Variants in TTC39B observed in about 807,000 individuals in gnomAD.
The protein encoded by TTC39B is tetratricopeptide repeat protein 39B.
A neutral mutation model predicts 96.6 loss-of-function variants in TTC39B; 92 were observed. The ratio of observed to expected loss-of-function variants is 0.95; its 90% CI spans 0.80 to 1.13. TTC39B has a LOEUF of 1.13. TTC39B is among the 50% of genes most tolerant of loss of function. The pLI is 0.00. For synonymous variants in TTC39B, 367 were observed against 299.4 expected (o/e 1.23, Z -2.33); for missense variants, 955 against 809.3 (o/e 1.18, Z -2.18).
chr9:15,182,300 T>C lies in TTC39B; in HGVS notation c.1723+7A>G, dbSNP rs1258104610. On this transcript the variant is annotated splice_region_variant and intron_variant, in intron 17 of 19. Coordinates refer to ENST00000512701, the Ensembl canonical transcript of TTC39B. ...AAGGCTCCTCGGTGCTTACTGTGTA[T>C]ACTTACTTTGACTTTGTAAAGCTGC... 1 of 1,592,106 alleles carries C rather than the reference T, an allele frequency of 6.3e-7. No homozygotes were observed. The highest frequency in any genetic ancestry group is 8.6e-7 in the Non-Finnish European group (1 of 1,164,446).
chr9:15,245,482 T>C (rs750771814), intron 2 of TTC39B, among the ~76,000 whole-genome samples: 4 of 152,176 alleles, frequency 2.6e-5, no homozygotes, highest in Non-Finnish European at 2.9e-5. Context: ...GGTTTTGCTA[T>C]ACAGGGATGC....
intron 1 of TTC39B, among the ~76,000 whole-genome samples, chr9:15,291,763 G>C (rs1824197477): frequency 6.6e-6 from 1 of 152,108 alleles, no homozygotes; most frequent in Non-Finnish European, 1.5e-5. Context: ...AAAAAAATCA[G>C]CCTCTTCCCT....
intron 3 of TTC39B, among the ~76,000 whole-genome samples, chr9:15,214,543 C>A (rs1253066340): frequency 6.6e-6 from 1 of 152,126 alleles, no homozygotes; most frequent in Non-Finnish European, 1.5e-5. Context: ...AATAGCAGTG[C>A]AAAATAACTG....
rs151000787 is a variant in TTC39B, at chr9:15,269,526, G to A, written c.241-1578C>T. 4.3e-3 allele frequency among the ~76,000 whole-genome samples: 653 copies of A among 152,178 alleles called. 9 individuals carry two copies. The highest frequency in any genetic ancestry group is 0.015 in the African/African-American group (632 of 41,530). On this transcript the variant is annotated intron_variant, in intron 1 of 19. Transcript: ENST00000512701. ...AGGTTTAGACCATACTGGATTCTGC[G>A]GTGAGGCAGAAAAAACAAAAGTGTA... is the stretch of plus-strand genomic sequence containing the variant.
At chr9:15,290,133 T>C (rs750353624) in intron 1 of TTC39B, among the ~76,000 whole-genome samples, 3 of 152,206 alleles carry the variant, frequency 2.0e-5, no homozygotes, top group Non-Finnish European at 4.4e-5. Flanking sequence ...GTATTACAAG[T>C]GTACTAAAGT....
At chr9:15,249,795 CA>C in intron 2 of TTC39B, 1 of 736,472 alleles carries the variant, frequency 1.4e-6, no homozygotes, top group South Asian at 2.6e-5. Context: ...CTGCAGGTTC[CA>C]GTGAAATTTA....
At chr9:15,278,493 G>A (rs1823632768) in intron 1 of TTC39B, among the ~76,000 whole-genome samples, 1 of 152,094 alleles carries the variant, frequency 6.6e-6, no homozygotes, top group South Asian at 2.1e-4. Context: ...CATTTACTAT[G>A]TCAAGCATAT....
At chr9:15,220,521 G>A (rs374552335) in intron 3 of TTC39B, among the ~76,000 whole-genome samples, 21 of 152,094 alleles carry the variant, frequency 1.4e-4, no homozygotes, top group Middle Eastern at 3.2e-3. Context: ...TAACATTGCC[G>A]TTATGAGCAT....
intron 1 of TTC39B, among the ~76,000 whole-genome samples, chr9:15,273,483 C>G (rs1276604675): frequency 2.0e-5 from 3 of 152,278 alleles, no homozygotes; most frequent in African/African-American, 7.2e-5. Flanking sequence ...CCTCCCTCCT[C>G]CTCCGCGTTC....
At chr9:15,267,306 G>A (rs778906185) in intron 2 of TTC39B, among the ~76,000 whole-genome samples, 49 of 152,202 alleles carry the variant, frequency 3.2e-4, no homozygotes, top group Non-Finnish European at 1.5e-4. Context: ...AACTAATACA[G>A]GAAGGCAATT....
chr9:15,258,728 C>T lies in TTC39B; in HGVS notation c.275+9186G>A, dbSNP rs567590079. Among the ~76,000 whole-genome samples the T allele has an allele frequency of 3.3e-5, 5 of 152,272 alleles. No individual in the cohort carries two copies. In the South Asian group the frequency reaches 1.0e-3, roughly 32 times the overall value. On this transcript the variant is annotated intron_variant, in intron 2 of 19. Transcript: ENST00000512701. ...CAAAGATCCTGCTCATAGGGGTTCA[C>T]TGGTCATTCACTTTGCACCAGCAAC...
intron 4 of TTC39B, among the ~76,000 whole-genome samples, chr9:15,212,380 C>CAAAAA (rs200310557): frequency 2.8e-5 from 3 of 105,616 alleles, no homozygotes; most frequent in Non-Finnish European, 6.2e-5. Context: ...TTTCAAGAAG[C>CAAAAA]AAAAAAAAAA....
chr9:15,191,103 G>T, intron 10 of TTC39B, 87 bp downstream of exon 10: 2 of 884,878 alleles, frequency 2.3e-6, no homozygotes, highest in Non-Finnish European at 3.6e-6. Context: ...TATCAAGGTA[G>T]TTATGCAGAC....
At chr9:15,195,605 G>A (rs1005961467) in intron 8 of TTC39B, among the ~76,000 whole-genome samples, 1 of 150,190 alleles carries the variant, frequency 6.7e-6, no homozygotes, top group Non-Finnish European at 1.5e-5. Flanking sequence ...GGGAGACGCA[G>A]GTTGCAGTGA....
At chr9:15,167,022 ATATATATTTTTTTT>A (rs1817540685) in exon 20 of TTC39B, 1 of 9,292 alleles carries the variant, frequency 1.1e-4, no homozygotes, top group African/African-American at 4.8e-4. Context: ...ATATATATAT[ATATATATTTTTTTT>A]TTTTTTTTTT....
At chr9:15,183,464 CAAAAAA>C (rs35283660) in intron 16 of TTC39B, 12 of 258,848 alleles carry the variant, frequency 4.6e-5, no homozygotes, top group South Asian at 9.7e-5. Context: ...TTCCTAGGTA[CAAAAAA>C]AAAAAAAAAA....
intron 8 of TTC39B, among the ~76,000 whole-genome samples, chr9:15,199,061 C>A (rs1819355628): frequency 6.6e-6 from 1 of 152,142 alleles, no homozygotes; most frequent in Non-Finnish European, 1.5e-5. Context: ...CAAACACTGA[C>A]AGAACTAAAG....
rs560117196 is a variant in TTC39B at position 15,164,787 on chromosome 9, T to C, written c.*7232A>G. Reference sequence around the variant, plus strand: ...TTATGGAATTTTCCCTAACACAATATGAGAATGCAACATATTTTTGAGAAT... The same window carrying C: ...TTATGGAATTTTCCCTAACACAATACGAGAATGCAACATATTTTTGAGAAT... On this transcript the variant is annotated 3_prime_UTR_variant, in exon 20 of 20. Coordinates refer to ENST00000512701, the Ensembl canonical transcript of TTC39B. The C allele has an allele frequency of 3.3e-5, 5 of 152,052 alleles. No individual in the cohort carries two copies. The South Asian group carries it at 6.2e-4, about 19-fold the overall frequency. The allele number at this position is 152,052 out of a possible 1,614,324, so 9.4% of individuals were successfully genotyped here.
intron 1 of TTC39B, among the ~76,000 whole-genome samples, chr9:15,272,779 CTAACTGGCTGAG>C (rs1563779486): frequency 6.6e-6 from 1 of 152,212 alleles, no homozygotes; most frequent in South Asian, 2.1e-4. Context: ...GGTTAGCTAA[CTAACTGGCTGAG>C]CACCCTTGTC....
Sources: allele counts gnomAD v4.1 joint callset (sites outside exome capture counted in the v4.1 genomes callset), GRCh38; gene constraint gnomAD v4.1.1; transcripts MANE v1.5; gene names NCBI Gene and HGNC (gene_info 2026-07-23, HGNC 2026-07-21).